Variants in PLEKHA6 observed in about 807,000 individuals in gnomAD.
PLEKHA6 encodes pleckstrin homology domain-containing family A member 6.
Under a neutral mutation model 116.7 loss-of-function variants are expected in PLEKHA6, and 60 were observed. The observed-to-expected ratio is 0.51, with a 90% CI of 0.42 to 0.64. PLEKHA6 has a LOEUF of 0.64. Ranked by LOEUF, PLEKHA6 falls within the 30% of genes least tolerant of loss-of-function variation. PLEKHA6 has a pLI of 0.00. For missense variants in PLEKHA6, 1,338 were observed against 1,422.7 expected, an observed-to-expected ratio of 0.94 and a Z score of 0.96; for synonymous variants, 489 against 556.1, an observed-to-expected ratio of 0.88 and a Z score of 1.70.
At chr1:204,316,711 T>G (rs1671872961) in intron 1 of PLEKHA6, among the ~76,000 whole-genome samples, 1 of 152,226 alleles carries the variant, frequency 6.6e-6, no homozygotes, top group Non-Finnish European at 1.5e-5. Flanking sequence ...TTAAGCCCAT[T>G]CTCCACTGGA....
chr1:204,321,464 G>A (rs1475925654), intron 1 of PLEKHA6, among the ~76,000 whole-genome samples: 1 of 151,438 alleles, frequency 6.6e-6, no homozygotes. Flanking sequence ...TGCACTCTGT[G>A]CTCCAGCCTC....
In PLEKHA6 at chr1:204,255,689, G is replaced by T. The variant is rs774078291; in HGVS notation, c.1524+1664C>A. On this transcript the variant is annotated intron_variant, in intron 9 of 22. Coordinates refer to ENST00000272203, the MANE Select transcript of PLEKHA6 (RefSeq NM_014935.5). ...GATCTAAAAGTTCATCCTACCCGGA[G>T]CCCGAGGCCCAGAGGCCAAACAGCA... The T allele has an allele frequency of 6.3e-5, 44 of 702,916 alleles. 1 individual carries two copies. Among genetic ancestry groups the T allele is most frequent in the South Asian group, 6.1e-4 (41 of 67,580 alleles). The allele number at this position is 702,916 out of a possible 1,614,324, so 43.5% of individuals were successfully genotyped here. A position where few individuals can be genotyped will look rare whatever the true frequency, so the allele number is the denominator to read the frequency against.
intron 3 of PLEKHA6, among the ~76,000 whole-genome samples, chr1:204,271,579 T>C (rs926570066): frequency 6.6e-6 from 1 of 152,200 alleles, no homozygotes; most frequent in Non-Finnish European, 1.5e-5. Flanking sequence ...TAATTCTACC[T>C]CTTCTCTCCA....
At chr1:204,234,976 AT>A (rs1558030964) in intron 17 of PLEKHA6, among the ~76,000 whole-genome samples, 44,095 of 96,488 alleles carry the variant, frequency 0.46, 11,634 homozygotes, top group East Asian at 0.68. Context: ...ATATATATAT[AT>A]ATATATATAT....
rs1662407150 is a variant in PLEKHA6 at position 204,238,783 on chromosome 1, C to T, written c.2409+2592G>A. Among the ~76,000 whole-genome samples, 1 of 152,200 alleles carries T rather than the reference C, an allele frequency of 6.6e-6. No individual in the cohort carries two copies. Among genetic ancestry groups the T allele is most frequent in the Non-Finnish European group, 1.5e-5 (1 of 68,050 alleles). ...GGTTCTGCAAGATATGCAGGCACCACCCGAAAGTAGACAGCTGCAGCACTA... is the reference window on the plus strand; with the variant it reads ...GGTTCTGCAAGATATGCAGGCACCATCCGAAAGTAGACAGCTGCAGCACTA... On this transcript the variant is annotated intron_variant, in intron 17 of 22. Transcript: ENST00000272203. This position sits in a 1 kb window ranked among gnomAD's most constrained non-coding sequence, Gnocchi z 4.2.
chr1:204,268,252 T>C lies in PLEKHA6; in HGVS notation c.163A>G (p.Asn55Asp), dbSNP rs144891638. 21 of 1,612,634 alleles carry C rather than the reference T, an allele frequency of 1.3e-5. No homozygotes were observed. The highest frequency in any genetic ancestry group is 1.7e-5 in the Non-Finnish European group (20 of 1,179,496). ...FGKRSHSMKRNPNAPVTKAGW... is the reference protein window; with the variant it reads ...FGKRSHSMKRDPNAPVTKAGW... ...GCCTTGGTGACAGGTGCATTGGGGT[T>C]CCGCTTCATGGAGTGTGAGCGCTTG... The change falls in exon 4 of 23, where the codon AAC becomes GAC. Residue 55 changes from asparagine to aspartate, a missense_variant. By Grantham distance (23) the Asn-to-Asp change is conservative. Transcript: ENST00000272203.
chr1:204,325,921 G>A (rs552588098), intron 1 of PLEKHA6: 1 of 984,552 alleles, frequency 1.0e-6, no homozygotes, highest in South Asian at 4.7e-5. Flanking sequence ...AAGCACCGCT[G>A]GGCTGCCATT....
intron 3 of PLEKHA6, among the ~76,000 whole-genome samples, chr1:204,270,040 C>T (rs998173340): frequency 2.6e-5 from 4 of 152,170 alleles, no homozygotes; most frequent in Non-Finnish European, 4.4e-5. Flanking sequence ...ACTCCTAAAC[C>T]TCCTCTACCT....
chr1:204,253,487 A>G (rs778658117), intron 9 of PLEKHA6, among the ~76,000 whole-genome samples: 2 of 152,084 alleles, frequency 1.3e-5, no homozygotes, highest in Non-Finnish European at 2.9e-5. Flanking sequence ...GCGCCACTGC[A>G]CTCCAGCCTG....
Position 204,257,350 on chromosome 1 carries a change from C to T in PLEKHA6, c.1524+3G>A, listed in dbSNP as rs1041040020. ...AGGAAGGAAGGGCAGGCTGGTGGCTCACCTTGGGGGAGCTGATGGATCGCC... is the reference window on the plus strand; with the variant it reads ...AGGAAGGAAGGGCAGGCTGGTGGCTTACCTTGGGGGAGCTGATGGATCGCC... On this transcript the variant is annotated splice_donor_region_variant and intron_variant, in intron 9 of 22. Coordinates refer to ENST00000272203, the MANE Select transcript of PLEKHA6 (RefSeq NM_014935.5). The surrounding 1 kb of genome is among the most constrained non-coding windows in gnomAD (Gnocchi z 6.5). 3.2e-6 allele frequency: 5 copies of T among 1,559,754 alleles called. No individual in the cohort carries two copies. The highest frequency in any genetic ancestry group is 1.4e-5 in the African/African-American group (1 of 73,568).
intron 1 of PLEKHA6, among the ~76,000 whole-genome samples, chr1:204,285,928 G>T (rs1008964163): frequency 6.6e-6 from 1 of 152,138 alleles, no homozygotes; most frequent in Non-Finnish European, 1.5e-5. Flanking sequence ...CTGACGCTTG[G>T]GGGAGGAGGA....
At position 204,223,694 on chromosome 1, in the gene PLEKHA6, G is replaced by T; in HGVS notation, c.3032-109C>A. On this transcript the variant is annotated intron_variant, in intron 21 of 22. Coordinates refer to ENST00000272203, the MANE Select transcript of PLEKHA6 (RefSeq NM_014935.5). This position sits in a 1 kb window ranked among gnomAD's most constrained non-coding sequence, Gnocchi z 4.8. Reference sequence around the variant, plus strand: ...GGCAGGGAGTGAGGCAGGGAGGCAAGCGAAGAGAGAGCACTGAGCTTGGAG... The same window carrying T: ...GGCAGGGAGTGAGGCAGGGAGGCAATCGAAGAGAGAGCACTGAGCTTGGAG... 1 of 634,062 alleles carries T rather than the reference G, an allele frequency of 1.6e-6. No homozygotes were observed. The allele number at this position is 634,062 out of a possible 1,614,324, so 39.3% of individuals were successfully genotyped here.
At chr1:204,345,432 C>A (rs945684833) in intron 1 of PLEKHA6, among the ~76,000 whole-genome samples, 3 of 152,100 alleles carry the variant, frequency 2.0e-5, no homozygotes, top group African/African-American at 7.2e-5. Context: ...AGCCCCCTGG[C>A]CCCACTCCCT....
chr1:204,355,166 T>C (rs918668516), intron 1 of PLEKHA6, among the ~76,000 whole-genome samples: 13 of 152,256 alleles, frequency 8.5e-5, no homozygotes, highest in Non-Finnish European at 1.9e-4. Context: ...GAGACGATTA[T>C]ACCTGTCTTC....
intron 1 of PLEKHA6, among the ~76,000 whole-genome samples, chr1:204,322,593 A>C (rs746697204): frequency 9.9e-5 from 15 of 152,178 alleles, no homozygotes; most frequent in Non-Finnish European, 2.2e-4. Flanking sequence ...CCAGGCCCCC[A>C]TAGCTTCAAC....
chr1:204,297,309 C>G, intron 1 of PLEKHA6: 2 of 588,972 alleles, frequency 3.4e-6, no homozygotes, highest in Non-Finnish European at 2.1e-6. Context: ...AAGACAAAGA[C>G]TAATCCTCGT....
rs748085176 is a variant in PLEKHA6, at chr1:204,248,985, G to A, written c.1675-15C>T. 14 of 1,613,080 alleles carry A rather than the reference G, an allele frequency of 8.7e-6. No homozygotes were observed. The highest frequency in any genetic ancestry group is 1.2e-5 in the Non-Finnish European group (14 of 1,179,540). On this transcript the variant is annotated splice_polypyrimidine_tract_variant and intron_variant, in intron 11 of 22. Coordinates refer to ENST00000272203, the MANE Select transcript of PLEKHA6 (RefSeq NM_014935.5). ...TCCAGGCTCTCCTGAAGAAAGGCAG[G>A]GGAATGACATGAGCAGCCCTGACAG...
intron 1 of PLEKHA6, 55 bp downstream of exon 1, chr1:204,359,639 G>A (rs909349946): frequency 4.1e-5 from 40 of 985,348 alleles, no homozygotes; most frequent in South Asian, 4.7e-5. Context: ...GCCCTGACCA[G>A]AGCCCAGCCT....
At chr1:204,244,757 C>G in intron 15 of PLEKHA6, 107 bp downstream of exon 15, 3 of 823,720 alleles carry the variant, frequency 3.6e-6, no homozygotes, top group Non-Finnish European at 5.4e-6. Context: ...AGCACTAGGG[C>G]TGGAGGCCTG....
Sources: gnomAD v4.1 joint callset for allele counts (sites outside exome capture counted in the v4.1 genomes callset) on GRCh38, gnomAD v4.1.1 for gene constraint, Gnocchi (gnomAD v3.1) non-coding constraint, MANE v1.5 for transcripts, NCBI Gene and HGNC (gene_info 2026-07-23, HGNC 2026-07-21) for gene names.